CACNA2D3: variants seen among roughly 807,000 people sequenced by gnomAD.
The protein encoded by CACNA2D3 is voltage-dependent calcium channel subunit alpha-2/delta-3.
A neutral mutation model predicts 160.6 loss-of-function variants in CACNA2D3; 60 were observed. That is an observed-to-expected ratio of 0.37 (90% CI 0.30 to 0.46). CACNA2D3 has a LOEUF of 0.46. Ranked by LOEUF, CACNA2D3 falls within the 20% of genes least tolerant of loss-of-function variation. CACNA2D3 has a pLI of 1.00. For synonymous variants in CACNA2D3, 558 were observed against 492.9 expected, an observed-to-expected ratio of 1.13 and a Z score of -1.75; for missense variants, 1,205 against 1,365.0, an observed-to-expected ratio of 0.88 and a Z score of 1.85.
chr3:55,072,774 A>G (rs1704840600), intron 35 of CACNA2D3, among the ~76,000 whole-genome samples: 1 of 152,178 alleles, frequency 6.6e-6, no homozygotes, highest in South Asian at 2.1e-4. Context: ...GCAATGTGAG[A>G]AGGAGGCACT....
intron 35 of CACNA2D3, among the ~76,000 whole-genome samples, chr3:55,055,875 A>C (rs1287592065): frequency 6.6e-6 from 1 of 152,140 alleles, no homozygotes; most frequent in South Asian, 2.1e-4. Flanking sequence ...TAAAAACTAC[A>C]CATTGGTCTG....
At chr3:54,818,647 T>A (rs1484597635) in intron 14 of CACNA2D3, among the ~76,000 whole-genome samples, 2 of 152,230 alleles carry the variant, frequency 1.3e-5, no homozygotes, top group South Asian at 4.1e-4. Context: ...ATTATTGTGG[T>A]CATATAAAAG....
chr3:54,511,021 C>T (rs900103869), intron 5 of CACNA2D3, among the ~76,000 whole-genome samples: 26 of 152,200 alleles, frequency 1.7e-4, no homozygotes, highest in African/African-American at 6.3e-4. Context: ...TCCTCTTTTC[C>T]TGGCTACCCC....
intron 4 of CACNA2D3, among the ~76,000 whole-genome samples, chr3:54,501,760 C>G (rs1486610167): frequency 2.6e-5 from 4 of 152,138 alleles, no homozygotes; most frequent in Non-Finnish European, 4.4e-5. Context: ...AATTTCTAAA[C>G]TATATCATTT....
chr3:54,978,701 C>A lies in CACNA2D3; in HGVS notation c.2557-5907C>A, dbSNP rs190641931. 5.3e-5 allele frequency among the ~76,000 whole-genome samples: 8 copies of A among 152,324 alleles called. No individual in the cohort carries two copies. The East Asian group carries it at 1.5e-3, about 29-fold the overall frequency. On this transcript the variant is annotated intron_variant, in intron 29 of 37. Coordinates refer to ENST00000474759, the MANE Select transcript of CACNA2D3 (RefSeq NM_018398.3). Reference sequence around the variant, plus strand: ...GCTGATATGAGGTTGCTAGCTGATTCCAATACATGCCCAGAATTAGAATAT... The same window carrying A: ...GCTGATATGAGGTTGCTAGCTGATTACAATACATGCCCAGAATTAGAATAT...
intron 4 of CACNA2D3, among the ~76,000 whole-genome samples, chr3:54,463,319 G>T (rs1700543980): frequency 1.3e-5 from 2 of 152,126 alleles, no homozygotes; most frequent in East Asian, 3.9e-4. Context: ...CTGAATGTTG[G>T]CTTGCCTTGC....
chr3:54,378,529 G>T (rs1296114749), intron 3 of CACNA2D3, among the ~76,000 whole-genome samples: 1 of 152,142 alleles, frequency 6.6e-6, no homozygotes, highest in Non-Finnish European at 1.5e-5. Flanking sequence ...ATTCATTGTG[G>T]ACTATCCCCT....
intron 3 of CACNA2D3, among the ~76,000 whole-genome samples, chr3:54,380,270 G>T (rs1483480956): frequency 6.6e-6 from 1 of 152,190 alleles, no homozygotes; most frequent in Non-Finnish European, 1.5e-5. Context: ...TTTAATCCGT[G>T]ATGGATTGAG....
At chr3:54,336,597 A>T (rs796771561) in intron 3 of CACNA2D3, among the ~76,000 whole-genome samples, 36 of 152,286 alleles carry the variant, frequency 2.4e-4, no homozygotes, top group African/African-American at 7.5e-4. Context: ...CTTCCTTTTA[A>T]AGTGGAAGTT....
intron 3 of CACNA2D3, among the ~76,000 whole-genome samples, chr3:54,364,064 C>T (rs569092951): frequency 6.6e-6 from 1 of 152,160 alleles, no homozygotes; most frequent in Non-Finnish European, 1.5e-5. Context: ...GGCGCCTGAG[C>T]CCCTGCAGGT....
chr3:54,394,050 T>A (rs567165246), intron 4 of CACNA2D3, among the ~76,000 whole-genome samples: 1 of 152,164 alleles, frequency 6.6e-6, no homozygotes, highest in Non-Finnish European at 1.5e-5. Flanking sequence ...CACTATGAGG[T>A]AGGCATCTCA....
At chr3:54,692,405 C>T (rs1481160358) in intron 11 of CACNA2D3, among the ~76,000 whole-genome samples, 2 of 152,256 alleles carry the variant, frequency 1.3e-5, no homozygotes, top group African/African-American at 4.8e-5. Context: ...ATCCTCTCTC[C>T]TTAGTCCACC....
At chr3:54,736,105 ATATGTATATATATACATATATATATG>A (rs1207778453) in intron 11 of CACNA2D3, among the ~76,000 whole-genome samples, 4,436 of 23,182 alleles carry the variant, frequency 0.19, 128 homozygotes, top group Non-Finnish European at 0.27. Context: ...ATATACATAT[ATATGTATATATATACATATATATATG>A]TATATATATA....
chr3:54,960,912 A>G (rs1298554320), intron 27 of CACNA2D3, among the ~76,000 whole-genome samples: 1 of 152,246 alleles, frequency 6.6e-6, no homozygotes, highest in Non-Finnish European at 1.5e-5. Flanking sequence ...GACCTCCGGA[A>G]TGGGCTCACA....
intron 2 of CACNA2D3, among the ~76,000 whole-genome samples, chr3:54,154,483 T>C (rs1211354198): frequency 6.6e-6 from 1 of 152,204 alleles, no homozygotes; most frequent in African/African-American, 2.4e-5. Flanking sequence ...TACTAGCACA[T>C]ATGTTAAAAC....
At chr3:54,727,148 A>G (rs1206688138) in intron 11 of CACNA2D3, among the ~76,000 whole-genome samples, 4 of 152,236 alleles carry the variant, frequency 2.6e-5, no homozygotes, top group East Asian at 1.9e-4. Context: ...CAACAGACAT[A>G]TGAAAAAATG....
chr3:54,504,774 G>A (rs143982285), intron 5 of CACNA2D3, among the ~76,000 whole-genome samples: 323 of 152,276 alleles, frequency 2.1e-3, no homozygotes, highest in Admixed American at 5.9e-3. Context: ...CTTGTAGGCT[G>A]TGTGATCTTA....
At chr3:55,025,623 G>T (rs1703549097) in intron 35 of CACNA2D3, among the ~76,000 whole-genome samples, 1 of 110,648 alleles carries the variant, frequency 9.0e-6, no homozygotes, top group Non-Finnish European at 1.7e-5. Context: ...GACAGAATGA[G>T]ACTCTATCTC....
chr3:54,610,266 A>T (rs549159542), intron 9 of CACNA2D3, among the ~76,000 whole-genome samples: 1 of 152,246 alleles, frequency 6.6e-6, no homozygotes, highest in Non-Finnish European at 1.5e-5. Flanking sequence ...TTTGCAGGAC[A>T]CAATTTAACC....
Sources: gnomAD v4.1 joint callset for allele counts (sites outside exome capture counted in the v4.1 genomes callset) on GRCh38, gnomAD v4.1.1 for gene constraint, MANE v1.5 for transcripts, NCBI Gene and HGNC (gene_info 2026-07-23, HGNC 2026-07-21) for gene names.